Variants in CDK6 observed in about 807,000 individuals in gnomAD.
CDK6 encodes cyclin dependent kinase 6.
In CDK6, 6 loss-of-function variants were observed where a neutral mutation model predicts 37.1. That is an observed-to-expected ratio of 0.16 (90% confidence interval 0.09 to 0.32). CDK6 has a LOEUF of 0.32. Among genes scored for constraint, CDK6 ranks in the 10% least tolerant of loss-of-function variants. CDK6 has a pLI of 1.00. For synonymous variants in CDK6, 160 were observed against 161.3 expected (o/e 0.99, Z 0.06); for missense variants, 224 against 418.9 (o/e 0.53, Z 4.06).
intron 5 of CDK6, among the ~76,000 whole-genome samples, chr7:92,643,536 G>C (rs1053195056): frequency 1.3e-5 from 2 of 152,218 alleles, no homozygotes; most frequent in African/African-American, 4.8e-5. Flanking sequence ...AGATATGCTG[G>C]TGGAGAATAA....
chr7:92,687,433 A>T lies in CDK6; in HGVS notation c.538-15898T>A, dbSNP rs150457071. Among the ~76,000 whole-genome samples the T allele has an allele frequency of 5.7e-3, 861 of 152,280 alleles. 10 individuals carry two copies. The highest frequency in any genetic ancestry group is 0.016 in the African/African-American group (657 of 41,556). ...TTTTCTGATAAAGAAGTTCTTCCAA[A>T]TTTGCCCCCAAACTCCAAAAAATGA... On this transcript the variant is annotated intron_variant, in intron 4 of 7. Coordinates refer to ENST00000424848, the MANE Select transcript of CDK6 (RefSeq NM_001145306.2).
intron 5 of CDK6, among the ~76,000 whole-genome samples, chr7:92,658,580 T>TC (rs1491526499): frequency 7.0e-6 from 1 of 142,374 alleles, no homozygotes; most frequent in East Asian, 2.0e-4. Context: ...ACTCTCTCTC[T>TC]TTCTCTCTCT....
chr7:92,756,909 A>C (rs1420315390), intron 3 of CDK6, among the ~76,000 whole-genome samples: 5 of 152,216 alleles, frequency 3.3e-5, no homozygotes, highest in African/African-American at 1.2e-4. Flanking sequence ...TCTTTTCTAA[A>C]TATAATTTGT....
At chr7:92,739,885 G>C (rs143307173) in intron 3 of CDK6, among the ~76,000 whole-genome samples, 4 of 152,246 alleles carry the variant, frequency 2.6e-5, no homozygotes, top group Admixed American at 6.5e-5. Context: ...CTCCTGAGTA[G>C]CTGGGACTAT....
chr7:92,625,541 A>C (rs919607770), intron 5 of CDK6, among the ~76,000 whole-genome samples: 4 of 141,410 alleles, frequency 2.8e-5, no homozygotes, highest in Admixed American at 7.0e-5. Context: ...GCAAAAAAAA[A>C]CAAAACAAAA....
chr7:92,638,205 A>G (rs1585357139), intron 5 of CDK6, among the ~76,000 whole-genome samples: 1 of 152,360 alleles, frequency 6.6e-6, no homozygotes, highest in East Asian at 1.9e-4. Flanking sequence ...AACTTTTAGT[A>G]TATCTTTGGC....
At chr7:92,830,695 C>T (rs1801454834) in intron 2 of CDK6, among the ~76,000 whole-genome samples, 1 of 152,084 alleles carries the variant, frequency 6.6e-6, no homozygotes, top group African/African-American at 2.4e-5. Flanking sequence ...AAGGCAGAGG[C>T]AGAAGAGAAG....
chr7:92,767,928 C>G (rs1302241350), intron 3 of CDK6, among the ~76,000 whole-genome samples: 1 of 151,926 alleles, frequency 6.6e-6, no homozygotes, highest in East Asian at 1.9e-4. Flanking sequence ...TCTCTAAACA[C>G]CATAGTTAAT....
chr7:92,637,323 C>T (rs1403799850), intron 5 of CDK6, among the ~76,000 whole-genome samples: 1 of 152,182 alleles, frequency 6.6e-6, no homozygotes, highest in Non-Finnish European at 1.5e-5. Flanking sequence ...ACCAGTTAGA[C>T]TTCTTGATCA....
At chr7:92,694,024 C>T (rs577388798) in intron 4 of CDK6, among the ~76,000 whole-genome samples, 9 of 152,098 alleles carry the variant, frequency 5.9e-5, no homozygotes, top group South Asian at 2.1e-4. Context: ...ATCTAAATAT[C>T]GGCCATTTAT....
chr7:92,725,492 T>A, intron 4 of CDK6, 134 bp downstream of exon 4: 1 of 1,112,158 alleles, frequency 9.0e-7, no homozygotes, highest in Non-Finnish European at 1.2e-6. Flanking sequence ...CACTGCCATA[T>A]AAAAATGGGC....
chr7:92,751,687 T>C (rs1799192309), intron 3 of CDK6, among the ~76,000 whole-genome samples: 1 of 152,184 alleles, frequency 6.6e-6, no homozygotes, highest in African/African-American at 2.4e-5. Flanking sequence ...TATATTCTCC[T>C]TAACTCTGAA....
At chr7:92,658,612 G>T (rs545042563) in intron 5 of CDK6, among the ~76,000 whole-genome samples, 1 of 151,212 alleles carries the variant, frequency 6.6e-6, no homozygotes, top group South Asian at 2.1e-4. Flanking sequence ...TCTCTCATTT[G>T]TAACAAGGAA....
chr7:92,720,402 T>A (rs1305482960), intron 4 of CDK6, among the ~76,000 whole-genome samples: 3 of 152,160 alleles, frequency 2.0e-5, no homozygotes, highest in African/African-American at 7.2e-5. Flanking sequence ...ACAATCTATT[T>A]GGTAAATTCA....
At chr7:92,802,507 C>G (rs1446246128) in intron 2 of CDK6, among the ~76,000 whole-genome samples, 1 of 152,152 alleles carries the variant, frequency 6.6e-6, no homozygotes, top group Non-Finnish European at 1.5e-5. Flanking sequence ...AGAATTCTGT[C>G]TACTTAACAA....
At chr7:92,704,193 ATTAAT>A (rs1265260415) in intron 4 of CDK6, among the ~76,000 whole-genome samples, 1 of 152,134 alleles carries the variant, frequency 6.6e-6, no homozygotes, top group African/African-American at 2.4e-5. Context: ...TATCTAATAT[ATTAAT>A]TTGTTTATCA....
chr7:92,720,144 T>C (rs1274470274), intron 4 of CDK6, among the ~76,000 whole-genome samples: 1 of 152,230 alleles, frequency 6.6e-6, no homozygotes, highest in African/African-American at 2.4e-5. Flanking sequence ...TTCCTCACTG[T>C]GTCAAAATGT....
intron 5 of CDK6, among the ~76,000 whole-genome samples, chr7:92,633,037 T>A (rs376067246): frequency 6.0e-5 from 9 of 149,418 alleles, no homozygotes; most frequent in African/African-American, 2.2e-4. Flanking sequence ...AAGTACAGGG[T>A]GACAAGAAAG....
intron 2 of CDK6, among the ~76,000 whole-genome samples, chr7:92,802,489 G>T (rs914202946): frequency 6.6e-6 from 1 of 152,086 alleles, no homozygotes; most frequent in Non-Finnish European, 1.5e-5. Flanking sequence ...TGTGCATTCA[G>T]TATTAAGAGA....
Sources: gnomAD v4.1 joint callset for allele counts (sites outside exome capture counted in the v4.1 genomes callset) on GRCh38, gnomAD v4.1.1 for gene constraint, MANE v1.5 for transcripts, NCBI Gene and HGNC (gene_info 2026-07-23, HGNC 2026-07-21) for gene names.